The following DMBT1 variants were observed in gnomAD, a reference collection of about 807,000 sequenced individuals.
DMBT1 encodes deleted in malignant brain tumors 1.
Under a neutral mutation model 252.9 loss-of-function variants are expected in DMBT1, and 198 were observed. The observed-to-expected ratio is 0.78, with a 90% CI of 0.70 to 0.88. The LOEUF (loss-of-function observed/expected upper bound fraction) is 0.88, where lower values mean the gene tolerates loss of function less well. Among genes scored for constraint, DMBT1 ranks in the 40% least tolerant of loss-of-function variants. The pLI, the probability that DMBT1 is intolerant of heterozygous loss-of-function variation, is 0.00. For missense variants in DMBT1, 2,432 were observed against 2,404.7 expected (o/e 1.01, Z -0.24); for synonymous variants, 990 against 942.7 (o/e 1.05, Z -0.92).
At chr10:122,565,230 A>G (rs754961009) in intron 1 of DMBT1, among the ~76,000 whole-genome samples, 31 of 152,346 alleles carry the variant, frequency 2.0e-4, no homozygotes, top group Admixed American at 5.2e-4. Context: ...GAAAAATAAA[A>G]TCAGAAGCCA....
At chr10:122,640,541 G>C in intron 55 of DMBT1, 92 bp downstream of exon 55, 1 of 1,341,588 alleles carries the variant, frequency 7.5e-7, no homozygotes, top group Non-Finnish European at 1.0e-6. Context: ...AAATTTTGAT[G>C]AACTGCAGTT....
At chr10:122,561,547 T>C (rs2097545813) in intron 1 of DMBT1, among the ~76,000 whole-genome samples, 1 of 143,968 alleles carries the variant, frequency 6.9e-6, no homozygotes, top group Non-Finnish European at 1.5e-5. Context: ...GCCTATTTTG[T>C]CTCTCTCTTC....
rs369485069 is a variant in DMBT1 at position 122,631,113 on chromosome 10, C to T, written c.6178C>T (p.Arg2060Cys). ...EVVCRQLGCG[R>C]AVSALGNAYF... is the part of the protein sequence containing the mutation. ...GGTCTGCAGACAGCTAGGGTGTGGA[C>T]GTGCAGTTTCAGCCCTTGGAAATGC... The change falls in exon 49 of 56, where the codon CGT (arginine) becomes TGT (cysteine). Residue 2060 changes from arginine (R) to cysteine (C), a missense_variant. This residue lies in a region of DMBT1 where 1,162 missense variants were observed against 1,169.0 expected (regional missense o/e 0.99). Transcript: ENST00000338354. The T allele has an allele frequency of 4.3e-5, 70 of 1,613,964 alleles. No individual in the cohort carries two copies. The highest frequency in any genetic ancestry group is 1.5e-4 in the African/African-American group (11 of 75,024).
At chr10:122,628,651 GA>G (rs921446981) in intron 46 of DMBT1, among the ~76,000 whole-genome samples, 2 of 151,336 alleles carry the variant, frequency 1.3e-5, no homozygotes, top group Non-Finnish European at 2.9e-5. Context: ...CAAAACAAAA[GA>G]AAAAAAAGAA....
intron 3 of DMBT1, 61 bp downstream of exon 3, chr10:122,570,270 C>T (rs1591168818): frequency 7.5e-7 from 1 of 1,330,084 alleles, no homozygotes; most frequent in East Asian, 2.3e-5. Flanking sequence ...CTAGGTTCAT[C>T]TCTGATCCAG....
At position 122,636,233 on chromosome 10, in the gene DMBT1, T is replaced by A. The variant is rs1305831886; in HGVS notation, c.6757+34T>A. ...CCTTGTGGAAATGCTCTGTTGGGACTGGGGACATCCTGAGAGCATCTGTGG... is the reference window on the plus strand; with the variant it reads ...CCTTGTGGAAATGCTCTGTTGGGACAGGGGACATCCTGAGAGCATCTGTGG... On this transcript the variant is annotated intron_variant, in intron 53 of 55. Coordinates refer to ENST00000338354, the MANE Select transcript of DMBT1 (RefSeq NM_001377530.1). 7 of 1,563,750 alleles carry A rather than the reference T, an allele frequency of 4.5e-6. No individual in the cohort carries two copies. In the South Asian group the frequency reaches 7.9e-5, roughly 18 times the overall value.
chr10:122,599,315 TC>T (rs2097916512), intron 26 of DMBT1, among the ~76,000 whole-genome samples: 1 of 152,200 alleles, frequency 6.6e-6, no homozygotes, highest in African/African-American at 2.4e-5. Flanking sequence ...CCAGAGTTTT[TC>T]CCCTTCCTGA....
rs773167738 is a variant in DMBT1 at position 122,586,382 on chromosome 10, A to T, written c.1782A>T (p.Ser594=). ...GTGAAGACGCTGGTGTCATCTGCTC[A>T]GGTGGGCCTCCAAGACTTTTGGTTT... ...GHSEDAGVIC[S]GPESSLALRL... is the part of the protein sequence containing the mutation. Residue 594 remains serine, a splice_region_variant and synonymous_variant, in exon 16 of 56, where the codon TCA becomes TCT. Transcript: ENST00000338354. 4 of 1,588,520 alleles carry T rather than the reference A, an allele frequency of 2.5e-6. No homozygotes were observed. The Admixed American group carries it at 6.7e-5, about 27-fold the overall frequency.
intron 26 of DMBT1, 108 bp downstream of exon 26, chr10:122,599,205 A>G (rs1451249551): frequency 5.1e-5 from 80 of 1,562,440 alleles, no homozygotes; most frequent in Non-Finnish European, 6.7e-5. Flanking sequence ...TATGTTTTCT[A>G]TATTTCTGAA....
At chr10:122,591,640 G>C in intron 19 of DMBT1, 123 bp downstream of exon 19, 2 of 1,124,954 alleles carry the variant, frequency 1.8e-6, no homozygotes, top group African/African-American at 1.5e-5. Context: ...TGTGCGCTGA[G>C]TGGGAGGAAG....
intron 6 of DMBT1, among the ~76,000 whole-genome samples, chr10:122,575,390 T>C (rs1280323689): frequency 2.0e-5 from 3 of 152,208 alleles, no homozygotes; most frequent in Non-Finnish European, 4.4e-5. Flanking sequence ...TAGACAGGTT[T>C]CTTGACTTTC....
At chr10:122,626,296 T>A (rs2098118470) in intron 46 of DMBT1, among the ~76,000 whole-genome samples, 1 of 152,226 alleles carries the variant, frequency 6.6e-6, no homozygotes. Flanking sequence ...AGATTTTCAT[T>A]GCTTTTAAAA....
In DMBT1 at chr10:122,643,721, A is replaced by G; in HGVS notation, c.*323A>G. On this transcript the variant is annotated 3_prime_UTR_variant, in exon 56 of 56. Coordinates refer to ENST00000338354, the MANE Select transcript of DMBT1 (RefSeq NM_001377530.1). ...TTGAGAGGGTTACTTACATAAAGGA[A>G]TTTTGGTGAAACTGCCTCAGCCTGT... 1 of 322,784 alleles carries G rather than the reference A, an allele frequency of 3.1e-6. No homozygotes were observed. Among genetic ancestry groups the G allele is most frequent in the Non-Finnish European group, 5.8e-6 (1 of 172,546 alleles). The allele number at this position is 322,784 out of a possible 1,614,324, so 20.0% of individuals were successfully genotyped here.
At chr10:122,625,610 C>G (rs2098113209) in intron 45 of DMBT1, among the ~76,000 whole-genome samples, 1 of 152,202 alleles carries the variant, frequency 6.6e-6, no homozygotes, top group South Asian at 2.1e-4. Context: ...TCTAAATTAA[C>G]CCATGGAAAA....
Position 122,618,169 on chromosome 10 carries a change from G to T in DMBT1, c.5044G>T (p.Gly1682Cys). The change falls in exon 41 of 56, where the codon GGC (glycine) becomes TGC (cysteine). Residue 1682 changes from glycine (G) to cysteine (C), a missense_variant. By Grantham distance (159) the Gly-to-Cys change is radical (BLOSUM62 -3). Coordinates refer to ENST00000338354, the MANE Select transcript of DMBT1 (RefSeq NM_001377530.1). ...CGTGGTCTGCAGGCAGCTGGGCTGT[G>T]GCTGGGCCATGTCAGCCCCAGGAAA... ...ANVVCRQLGC[G>C]WAMSAPGNAQ... 2.5e-6 allele frequency: 4 copies of T among 1,613,942 alleles called. No individual in the cohort carries two copies. Among genetic ancestry groups the T allele is most frequent in the Non-Finnish European group, 3.4e-6 (4 of 1,179,876 alleles).
chr10:122,622,841 G>T (rs1242670206), intron 44 of DMBT1, among the ~76,000 whole-genome samples: 1 of 152,210 alleles, frequency 6.6e-6, no homozygotes, highest in African/African-American at 2.4e-5. Context: ...ATAAAAAACA[G>T]GCAGGATGTT....
intron 6 of DMBT1, 83 bp downstream of exon 6, chr10:122,573,845 A>G: frequency 6.5e-7 from 1 of 1,544,108 alleles, no homozygotes; most frequent in East Asian, 2.2e-5. Flanking sequence ...TGAGGTGCAG[A>G]GGGCATAGAA....
chr10:122,590,286 G>C (rs943199777), intron 17 of DMBT1, among the ~76,000 whole-genome samples: 13 of 148,906 alleles, frequency 8.7e-5, no homozygotes, highest in Admixed American at 8.7e-4. Context: ...GCCCATTAGG[G>C]CTGCTGAGCA....
intron 41 of DMBT1, 99 bp downstream of exon 41, chr10:122,618,439 A>G (rs2098023270): frequency 1.3e-6 from 2 of 1,578,578 alleles, no homozygotes; most frequent in East Asian, 2.2e-5. Flanking sequence ...AGCTTTTTCT[A>G]TGTTTTCTAT....
Sources: gnomAD v4.1 joint callset for allele counts (sites outside exome capture counted in the v4.1 genomes callset) on GRCh38, gnomAD v4.1.1 for gene constraint, gnomAD v4.1.1 regional missense constraint, MANE v1.5 for transcripts, NCBI Gene and HGNC (gene_info 2026-07-23, HGNC 2026-07-21) for gene names.